POU6F2: variants seen among roughly 807,000 people sequenced by gnomAD.
The protein encoded by POU6F2 is POU class 6 homeobox 2.
Under a neutral mutation model 71.3 loss-of-function variants are expected in POU6F2, and 31 were observed. The ratio of observed to expected loss-of-function variants is 0.43; its 90% CI spans 0.33 to 0.59. The LOEUF is 0.59. Ranked by LOEUF, POU6F2 falls within the 20% of genes least tolerant of loss-of-function variation. The probability of loss-of-function intolerance (pLI) is 0.04; values close to 1 mark genes in which losing one functional copy is unlikely to be tolerated. For synonymous variants in POU6F2, 347 were observed against 355.7 expected, an observed-to-expected ratio of 0.98 and a Z score of 0.27; for missense variants, 783 against 856.8, an observed-to-expected ratio of 0.91 and a Z score of 1.07.
At chr7:39,038,190 T>G (rs1169376458) in intron 1 of POU6F2, among the ~76,000 whole-genome samples, 1 of 152,092 alleles carries the variant, frequency 6.6e-6, no homozygotes, top group South Asian at 2.1e-4. Context: ...TCTGGAGGAC[T>G]GACTCTGTCC....
chr7:39,369,218 A>G (rs1406123141), intron 5 of POU6F2, among the ~76,000 whole-genome samples: 1 of 152,182 alleles, frequency 6.6e-6, no homozygotes, highest in Non-Finnish European at 1.5e-5. Flanking sequence ...ACTGTGGGTA[A>G]AATTAAAAAT....
intron 7 of POU6F2, among the ~76,000 whole-genome samples, chr7:39,449,212 A>T (rs879180531): frequency 1.3e-4 from 20 of 152,152 alleles, no homozygotes; most frequent in Non-Finnish European, 1.5e-5. Context: ...CTGGATTCTC[A>T]TGTTCAGCAG....
chr7:39,091,764 C>G (rs1167029009), intron 2 of POU6F2, among the ~76,000 whole-genome samples: 1 of 152,210 alleles, frequency 6.6e-6, no homozygotes, highest in Non-Finnish European at 1.5e-5. Flanking sequence ...ATACAGCTAG[C>G]ATTCCCCTTC....
chr7:39,014,622 T>C (rs187014063), intron 1 of POU6F2, among the ~76,000 whole-genome samples: 4 of 150,488 alleles, frequency 2.7e-5, no homozygotes, highest in Admixed American at 2.6e-4. Context: ...AAAAGCTGAA[T>C]TTTTTTTCAT....
intron 3 of POU6F2, among the ~76,000 whole-genome samples, chr7:39,206,848 G>A (rs1794022974): frequency 6.6e-6 from 1 of 152,150 alleles, no homozygotes; most frequent in African/African-American, 2.4e-5. Context: ...TGCAGCTCTT[G>A]ATAATCTATT....
intron 4 of POU6F2, among the ~76,000 whole-genome samples, chr7:39,318,516 C>T (rs1785318210): frequency 6.6e-6 from 1 of 152,166 alleles, no homozygotes; most frequent in African/African-American, 2.4e-5. Flanking sequence ...AGGTCCTAGA[C>T]TCACAAAGAC....
intron 1 of POU6F2, among the ~76,000 whole-genome samples, chr7:39,050,641 A>C (rs1584517536): frequency 6.6e-6 from 1 of 152,064 alleles, no homozygotes; most frequent in Non-Finnish European, 1.5e-5. Context: ...CTTGTCTTTG[A>C]TATTGTTGCT....
chr7:39,361,989 T>C (rs1188266943), intron 5 of POU6F2, among the ~76,000 whole-genome samples: 1 of 152,220 alleles, frequency 6.6e-6, no homozygotes, highest in Admixed American at 6.5e-5. Flanking sequence ...CCCAGCCACA[T>C]AGGACAGTGC....
chr7:39,464,633 G>A lies in POU6F2; in HGVS notation c.2110G>A (p.Ala704Thr). ...TAAACGCTTAAAACAGCACGAGCCG[G>A]CCACGGCAGTCCCTTTGGAGCCCTT... ...TIKRLKQHEP[A>T]TAVPLEPLTD... is the part of the protein sequence containing the mutation. The change falls in exon 10 of 10, where the codon GCC (alanine) becomes ACC (threonine). Residue 704 changes from alanine (A) to threonine (T), a missense_variant. This residue lies in a region of POU6F2 where 211 missense variants were observed against 283.9 expected (regional missense o/e 0.74). Coordinates refer to ENST00000518318, the MANE Select transcript of POU6F2 (RefSeq NM_001370959.1). This position sits in a 1 kb window ranked among gnomAD's most constrained non-coding sequence, Gnocchi z 4.1. 6.2e-7 allele frequency: 1 copy of A among 1,608,842 alleles called. No homozygotes were observed. The highest frequency in any genetic ancestry group is 8.5e-7 in the Non-Finnish European group (1 of 1,177,670).
rs143593413 is a variant in POU6F2 at position 39,345,827 on chromosome 7, T to A, written c.972+5812T>A. Among the ~76,000 whole-genome samples, 24 of 152,304 alleles carry A rather than the reference T, an allele frequency of 1.6e-4. 2 individuals are homozygous for A. In the East Asian group the frequency reaches 4.4e-3, roughly 28 times the overall value. ...AGAGTTATGAAAATCAAATATAACATACTGATGAGAATGCTTTTGTATGCT... is the reference window on the plus strand; with the variant it reads ...AGAGTTATGAAAATCAAATATAACAAACTGATGAGAATGCTTTTGTATGCT... On this transcript the variant is annotated intron_variant, in intron 5 of 9. Coordinates refer to ENST00000518318, the MANE Select transcript of POU6F2 (RefSeq NM_001370959.1).
At chr7:39,428,515 G>T (rs1370880794) in intron 6 of POU6F2, among the ~76,000 whole-genome samples, 2 of 152,202 alleles carry the variant, frequency 1.3e-5, no homozygotes, top group African/African-American at 4.8e-5. Flanking sequence ...GATTTACAGG[G>T]CAATAACTTA....
intron 2 of POU6F2, among the ~76,000 whole-genome samples, chr7:39,147,776 T>G (rs1010884680): frequency 7.9e-5 from 12 of 152,140 alleles, no homozygotes; most frequent in African/African-American, 2.7e-4. Context: ...ACAGGTAACC[T>G]TGGGATATAG....
At chr7:39,371,617 C>G (rs944919914) in intron 5 of POU6F2, among the ~76,000 whole-genome samples, 3 of 152,152 alleles carry the variant, frequency 2.0e-5, no homozygotes, top group African/African-American at 7.2e-5. Flanking sequence ...TCTGTCACTT[C>G]TACAGATGTC....
intron 4 of POU6F2, among the ~76,000 whole-genome samples, chr7:39,274,850 A>G (rs200330450): frequency 0.46 from 65,440 of 142,994 alleles, 15,107 homozygotes; most frequent in East Asian, 0.64. Context: ...AAATTCAACA[A>G]CCCTTCATGC....
At chr7:39,296,275 CTAAT>C (rs1380322648) in intron 4 of POU6F2, among the ~76,000 whole-genome samples, 2 of 152,156 alleles carry the variant, frequency 1.3e-5, no homozygotes, top group Non-Finnish European at 2.9e-5. Context: ...AACTCTAAAA[CTAAT>C]TAATCTGTTT....
intron 1 of POU6F2, among the ~76,000 whole-genome samples, chr7:39,015,688 A>G (rs1789473329): frequency 1.1e-5 from 1 of 89,512 alleles, no homozygotes; most frequent in Non-Finnish European, 2.2e-5. Context: ...TATGTTATAT[A>G]TCTATATATT....
chr7:39,008,657 T>A (rs1380409222), intron 1 of POU6F2, among the ~76,000 whole-genome samples: 1 of 150,744 alleles, frequency 6.6e-6, no homozygotes, highest in Non-Finnish European at 1.5e-5. Flanking sequence ...TGGTTTTAGG[T>A]CTAACGTTTA....
chr7:39,171,560 A>G (rs1793219297), intron 2 of POU6F2, among the ~76,000 whole-genome samples: 1 of 152,204 alleles, frequency 6.6e-6, no homozygotes, highest in African/African-American at 2.4e-5. Flanking sequence ...AGAGAGAAAC[A>G]GAAGTGGTTG....
intron 2 of POU6F2, among the ~76,000 whole-genome samples, chr7:39,109,375 C>T (rs1008184727): frequency 5.3e-5 from 8 of 152,256 alleles, no homozygotes; most frequent in East Asian, 1.9e-4. Context: ...ATTCCATATA[C>T]GATTATTACC....
Sources: allele counts gnomAD v4.1 joint callset (sites outside exome capture counted in the v4.1 genomes callset), GRCh38; gene constraint gnomAD v4.1.1; regional missense constraint gnomAD v4.1.1; non-coding constraint Gnocchi (gnomAD v3.1); transcripts MANE v1.5; gene names NCBI Gene and HGNC (gene_info 2026-07-23, HGNC 2026-07-21).